Variants in MACO1 observed in about 807,000 individuals in gnomAD.
MACO1 encodes the protein macoilin 1.
A neutral mutation model predicts 78.7 loss-of-function variants in MACO1; 14 were observed. The observed-to-expected ratio is 0.18, with a 90% CI of 0.12 to 0.28. The LOEUF is 0.28. Ranked by LOEUF, MACO1 falls within the 10% of genes least tolerant of loss-of-function variation. MACO1 has a pLI of 1.00. For synonymous variants in MACO1, 288 were observed against 291.6 expected, an observed-to-expected ratio of 0.99 and a Z score of 0.12; for missense variants, 501 against 799.0, an observed-to-expected ratio of 0.63 and a Z score of 4.50.
At chr1:25,484,928 A>G (rs1039085466) in intron 7 of MACO1, among the ~76,000 whole-genome samples, 1 of 152,178 alleles carries the variant, frequency 6.6e-6, no homozygotes. Context: ...ATTACAGGCA[A>G]ATAACCTCTC....
chr1:25,494,634 G>A (rs552335655), intron 10 of MACO1, among the ~76,000 whole-genome samples: 199 of 152,300 alleles, frequency 1.3e-3, no homozygotes, highest in Middle Eastern at 3.4e-3. Flanking sequence ...CTGTGAGGAA[G>A]CTACCACTGT....
chr1:25,441,069 A>G (rs2042967778), intron 1 of MACO1, among the ~76,000 whole-genome samples: 2 of 152,232 alleles, frequency 1.3e-5, no homozygotes, highest in Non-Finnish European at 2.9e-5. Context: ...TGCTTTGTCC[A>G]GACACCTTCC....
chr1:25,475,160 C>T (rs1031829675), intron 6 of MACO1, among the ~76,000 whole-genome samples: 7 of 151,528 alleles, frequency 4.6e-5, no homozygotes, highest in African/African-American at 1.2e-4. Flanking sequence ...CTGGCTAACA[C>T]GGTGAAACCC....
intron 6 of MACO1, among the ~76,000 whole-genome samples, chr1:25,473,124 T>G (rs974112768): frequency 6.6e-6 from 1 of 152,198 alleles, no homozygotes; most frequent in African/African-American, 2.4e-5. Flanking sequence ...GCAGATATAC[T>G]TTGTCGGACC....
intron 1 of MACO1, among the ~76,000 whole-genome samples, chr1:25,437,018 A>G (rs1421089032): frequency 1.3e-5 from 2 of 152,144 alleles, no homozygotes; most frequent in African/African-American, 2.4e-5. Flanking sequence ...ATATCTGTTC[A>G]TATCACTGAT....
At chr1:25,439,235 T>G (rs2042946167) in intron 1 of MACO1, among the ~76,000 whole-genome samples, 1 of 151,958 alleles carries the variant, frequency 6.6e-6, no homozygotes, top group South Asian at 2.1e-4. Flanking sequence ...TATTTATTTT[T>G]AAAGAAAAAA....
chr1:25,454,042 A>G (rs867773084), intron 3 of MACO1, among the ~76,000 whole-genome samples: 3 of 152,092 alleles, frequency 2.0e-5, no homozygotes, highest in Non-Finnish European at 4.4e-5. Context: ...TACATTGTAA[A>G]TATTTTTTGC....
At chr1:25,432,265 A>G (rs1477856302) in intron 1 of MACO1, among the ~76,000 whole-genome samples, 1 of 152,218 alleles carries the variant, frequency 6.6e-6, no homozygotes, top group African/African-American at 2.4e-5. Context: ...GTCTTAACAT[A>G]ACTGTACACC....
Position 25,491,090 on chromosome 1 carries a change from A to C in MACO1, c.1618-320A>C, listed in dbSNP as rs566911975. On this transcript the variant is annotated intron_variant, in intron 9 of 10. Transcript: ENST00000374343. ...CAAGTTCGATTACAGCATTATGATA[A>C]TTTGCACGTGGCCAGCAAGGAAAAA... 3.9e-5 allele frequency among the ~76,000 whole-genome samples: 6 copies of C among 152,344 alleles called. No individual in the cohort carries two copies. The South Asian group carries it at 1.0e-3, about 26-fold the overall frequency.
intron 9 of MACO1, among the ~76,000 whole-genome samples, chr1:25,489,892 A>G (rs1473436425): frequency 6.6e-6 from 1 of 152,230 alleles, no homozygotes; most frequent in Non-Finnish European, 1.5e-5. Context: ...ACAGTACCGA[A>G]AAAAATACGA....
Position 25,448,851 on chromosome 1 carries a change from T to A in MACO1, c.266T>A (p.Ile89Lys). 6.4e-7 allele frequency: 1 copy of A among 1,564,574 alleles called. No homozygotes were observed. The highest frequency in any genetic ancestry group is 8.7e-7 in the Non-Finnish European group (1 of 1,146,292). The change falls in exon 3 of 11, where the codon ATA (isoleucine) becomes AAA (lysine). Residue 89 changes from isoleucine to lysine, a missense_variant. By Grantham distance (102) the Ile-to-Lys change is moderately radical. Coordinates refer to ENST00000374343, the MANE Select transcript of MACO1 (RefSeq NM_018202.6). ...GTTTGTGTAGCATTCACGTCAAATA[T>A]AATATGCCTGCTGTTCATCCCCATA... is the stretch of plus-strand genomic sequence containing the variant. ...FFVCVAFTSN[I>K]ICLLFIPIQW...
At chr1:25,489,884 A>G (rs1018317635) in intron 9 of MACO1, among the ~76,000 whole-genome samples, 4 of 152,214 alleles carry the variant, frequency 2.6e-5, no homozygotes, top group South Asian at 4.1e-4. Context: ...CCTGGAGTAC[A>G]GTACCGAAAA....
In MACO1 at chr1:25,462,980, G is replaced by A. The variant is rs149911941; in HGVS notation, c.1154+4088G>A. On this transcript the variant is annotated intron_variant, in intron 6 of 10. Transcript: ENST00000374343. Reference sequence around the variant, plus strand: ...TTACATCATATCAATGGCTGCTTTCGTGCTACAGTGGCAGGGCTGAATAGC... The same window carrying A: ...TTACATCATATCAATGGCTGCTTTCATGCTACAGTGGCAGGGCTGAATAGC... Among the ~76,000 whole-genome samples, 1,511 of 152,264 alleles carry A rather than the reference G, an allele frequency of 9.9e-3. 24 individuals are homozygous for A. Among genetic ancestry groups the A allele is most frequent in the African/African-American group, 0.035 (1,449 of 41,528 alleles).
intron 6 of MACO1, among the ~76,000 whole-genome samples, chr1:25,464,247 T>G (rs1438471311): frequency 1.3e-5 from 2 of 152,066 alleles, no homozygotes; most frequent in Non-Finnish European, 2.9e-5. Flanking sequence ...ATGGTTGGAA[T>G]GATATTACAT....
chr1:25,475,656 A>G (rs1359100651), intron 6 of MACO1, among the ~76,000 whole-genome samples: 1 of 152,136 alleles, frequency 6.6e-6, no homozygotes, highest in East Asian at 1.9e-4. Flanking sequence ...TGAGAGTGTC[A>G]GTGAATGCGG....
At chr1:25,491,358 A>G (rs1215900192) in intron 9 of MACO1, 52 bp from the exon 10 acceptor site, 22 of 1,604,928 alleles carry the variant, frequency 1.4e-5, no homozygotes, top group African/African-American at 2.7e-5. Context: ...TAATTTATAG[A>G]CATCGATGCC....
chr1:25,490,751 CATTT>C (rs2043478615), intron 9 of MACO1, among the ~76,000 whole-genome samples: 1 of 152,086 alleles, frequency 6.6e-6, no homozygotes, highest in Non-Finnish European at 1.5e-5. Flanking sequence ...TAGTTAAAAT[CATTT>C]AGTTTTTAAA....
At chr1:25,488,875 T>G (rs1393322506) in intron 8 of MACO1, among the ~76,000 whole-genome samples, 1 of 152,176 alleles carries the variant, frequency 6.6e-6, no homozygotes. Context: ...TGGAGTGCAG[T>G]GGCACGATCT....
chr1:25,470,771 GTAATCCCACAC>G (rs1193406364), intron 6 of MACO1, among the ~76,000 whole-genome samples: 1 of 152,226 alleles, frequency 6.6e-6, no homozygotes, highest in Non-Finnish European at 1.5e-5. Context: ...GTTCACACCT[GTAATCCCACAC>G]TTTGGGAGGC....
Sources: gnomAD v4.1 joint callset for allele counts (sites outside exome capture counted in the v4.1 genomes callset) on GRCh38, gnomAD v4.1.1 for gene constraint, MANE v1.5 for transcripts, NCBI Gene and HGNC (gene_info 2026-07-23, HGNC 2026-07-21) for gene names.